Variants in PELI2 observed in about 807,000 individuals in gnomAD.
PELI2 encodes E3 ubiquitin-protein ligase pellino homolog 2.
PELI2 carries 23 observed loss-of-function variants against 42.3 expected under a neutral mutation model. The ratio of observed to expected loss-of-function variants is 0.54; its 90% CI spans 0.39 to 0.77. PELI2 has a LOEUF of 0.77. Among genes scored for constraint, PELI2 ranks in the 30% least tolerant of loss-of-function variants. PELI2 has a pLI of 0.00. For missense variants in PELI2, 463 were observed against 553.2 expected (o/e 0.84, Z 1.64); for synonymous variants, 245 against 212.2 (o/e 1.15, Z -1.34).
chr14:56,213,864 T>G (rs1320935790), intron 2 of PELI2, among the ~76,000 whole-genome samples: 1 of 152,158 alleles, frequency 6.6e-6, no homozygotes, highest in African/African-American at 2.4e-5. Context: ...GGTTTTGGGT[T>G]TTTTTGAGAC....
At chr14:56,154,040 T>G (rs564232369) in intron 1 of PELI2, among the ~76,000 whole-genome samples, 9 of 152,184 alleles carry the variant, frequency 5.9e-5, no homozygotes, top group Non-Finnish European at 1.2e-4. Context: ...TTAAATATAC[T>G]CAATATAGAC....
At chr14:56,248,093 T>G (rs1888223031) in intron 2 of PELI2, among the ~76,000 whole-genome samples, 1 of 152,190 alleles carries the variant, frequency 6.6e-6, no homozygotes, top group African/African-American at 2.4e-5. Context: ...TTTAGCACGA[T>G]CAGATTGAAT....
chr14:56,185,067 A>T (rs141696520), intron 2 of PELI2, among the ~76,000 whole-genome samples: 14 of 152,146 alleles, frequency 9.2e-5, no homozygotes, highest in Non-Finnish European at 2.1e-4. Flanking sequence ...TTTTTTTATT[A>T]AAAGGCTGGT....
chr14:56,205,034 A>AG (rs1555347289), intron 2 of PELI2, among the ~76,000 whole-genome samples: 2 of 151,244 alleles, frequency 1.3e-5, no homozygotes, highest in African/African-American at 4.8e-5. Flanking sequence ...CCTGTCAAAA[A>AG]AAAAAAAAAA....
chr14:56,137,016 C>T (rs892448895), intron 1 of PELI2, among the ~76,000 whole-genome samples: 1 of 152,186 alleles, frequency 6.6e-6, no homozygotes, highest in Non-Finnish European at 1.5e-5. Context: ...AGTGTCTAGT[C>T]TTATGTTGAC....
rs370551114 is a variant in PELI2 at position 56,208,176 on chromosome 14, C to T, written c.207+29712C>T. Among the ~76,000 whole-genome samples, 24 of 152,168 alleles carry T rather than the reference C, an allele frequency of 1.6e-4. 1 individual carries two copies. The highest frequency in any genetic ancestry group is 8.5e-4 in the Admixed American group (13 of 15,286). ...GAGTGCTTGCCATGATGAGGGCAGG[C>T]GCTAATGGGGAAGGAATTGTCTCAA... On this transcript the variant is annotated intron_variant, in intron 2 of 5. Transcript: ENST00000267460.
Position 56,193,523 on chromosome 14 carries a change from A to G in PELI2, c.207+15059A>G, listed in dbSNP as rs370730218. 1.4e-4 allele frequency among the ~76,000 whole-genome samples: 22 copies of G among 152,360 alleles called. 1 individual carries two copies. Among genetic ancestry groups the G allele is most frequent in the Admixed American group, 8.5e-4 (13 of 15,308 alleles). The stretch of plus-strand genomic sequence containing the variant: ...GTTTCCTAAAACCTGACAATGGGAA[A>G]GGAAAAAGAGAAGAAGCTGCAAGCA... On this transcript the variant is annotated intron_variant, in intron 2 of 5. Coordinates refer to ENST00000267460, the MANE Select transcript of PELI2 (RefSeq NM_021255.3).
intron 1 of PELI2, among the ~76,000 whole-genome samples, chr14:56,147,736 C>T (rs990652102): frequency 3.3e-5 from 5 of 152,132 alleles, no homozygotes; most frequent in Admixed American, 3.3e-4. Flanking sequence ...TGGCCCTAGC[C>T]TTTTAGAAAG....
intron 2 of PELI2, among the ~76,000 whole-genome samples, chr14:56,217,538 C>A (rs1233414212): frequency 2.0e-5 from 3 of 152,202 alleles, no homozygotes; most frequent in African/African-American, 7.2e-5. Flanking sequence ...TGAGTGACAG[C>A]CAAGCCTGGG....
intron 3 of PELI2, among the ~76,000 whole-genome samples, chr14:56,286,917 AGGCT>A (rs1206795134): frequency 6.6e-6 from 1 of 152,220 alleles, no homozygotes; most frequent in Non-Finnish European, 1.5e-5. Flanking sequence ...TGATCCTAGC[AGGCT>A]GTTCCAGTTA....
At chr14:56,263,489 C>T (rs1888796023) in intron 2 of PELI2, among the ~76,000 whole-genome samples, 1 of 151,830 alleles carries the variant, frequency 6.6e-6, no homozygotes, top group African/African-American at 2.4e-5. Context: ...ATGATTGCCA[C>T]AGAATAGAAT....
chr14:56,232,932 G>A (rs932151827), intron 2 of PELI2, among the ~76,000 whole-genome samples: 5 of 152,008 alleles, frequency 3.3e-5, no homozygotes, highest in Non-Finnish European at 7.4e-5. Flanking sequence ...AAATCAATGT[G>A]CAAAAATCAC....
chr14:56,133,516 A>G (rs1039854241), intron 1 of PELI2, among the ~76,000 whole-genome samples: 1 of 152,226 alleles, frequency 6.6e-6, no homozygotes, highest in African/African-American at 2.4e-5. Context: ...AGAGGAAAGG[A>G]CACTACATTT....
At chr14:56,221,824 G>C (rs1187866120) in intron 2 of PELI2, among the ~76,000 whole-genome samples, 1 of 152,138 alleles carries the variant, frequency 6.6e-6, no homozygotes, top group Non-Finnish European at 1.5e-5. Flanking sequence ...CGAATTGCTT[G>C]GTTCCTTTTG....
At chr14:56,296,522 T>C in intron 5 of PELI2, 78 bp from the exon 6 acceptor site, 1 of 993,786 alleles carries the variant, frequency 1.0e-6, no homozygotes, top group South Asian at 1.6e-5. Flanking sequence ...ATTTTTTTGC[T>C]TGTTCTGAGA....
rs148809720 is a variant in PELI2, at chr14:56,194,447, A to G, written c.207+15983A>G. 4.6e-3 allele frequency among the ~76,000 whole-genome samples: 702 copies of G among 152,334 alleles called. 2 individuals carry two copies. The highest frequency in any genetic ancestry group is 0.016 in the African/African-American group (653 of 41,576). On this transcript the variant is annotated intron_variant, in intron 2 of 5. Transcript: ENST00000267460. ...GCCCCAGTGAGTGCCCAGATCCTGC[A>G]GAATCTGCTTCTTCACCAGTCGCCA...
At chr14:56,183,312 T>C (rs1469174251) in intron 2 of PELI2, among the ~76,000 whole-genome samples, 1 of 152,146 alleles carries the variant, frequency 6.6e-6, no homozygotes, top group Non-Finnish European at 1.5e-5. Context: ...AACAAATGAT[T>C]TGTAGGTCTA....
chr14:56,282,503 G>A (rs928924602), intron 3 of PELI2, among the ~76,000 whole-genome samples: 5 of 152,056 alleles, frequency 3.3e-5, no homozygotes, highest in African/African-American at 1.2e-4. Context: ...CCTTTGTGGG[G>A]AAAGGGACTG....
chr14:56,230,589 T>C (rs974228038), intron 2 of PELI2, among the ~76,000 whole-genome samples: 4 of 151,946 alleles, frequency 2.6e-5, no homozygotes, highest in African/African-American at 9.7e-5. Flanking sequence ...TTACAAGAGC[T>C]CCTGAAGGAA....
Sources: gnomAD v4.1 joint callset for allele counts (sites outside exome capture counted in the v4.1 genomes callset) on GRCh38, gnomAD v4.1.1 for gene constraint, MANE v1.5 for transcripts, NCBI Gene and HGNC (gene_info 2026-07-23, HGNC 2026-07-21) for gene names.